RFX3: variants seen among roughly 807,000 people sequenced by gnomAD.
RFX3 encodes the protein regulatory factor X3.
A neutral mutation model predicts 98.6 loss-of-function variants in RFX3; 14 were observed. The observed-to-expected ratio is 0.14, with a 90% confidence interval of 0.09 to 0.22. The LOEUF (loss-of-function observed/expected upper bound fraction) is 0.22. Among genes scored for constraint, RFX3 ranks in the 10% least tolerant of loss-of-function variants. The probability of loss-of-function intolerance (pLI) is 1.00; values close to 1 mark genes in which losing one functional copy is unlikely to be tolerated. For missense variants in RFX3, 639 were observed against 926.9 expected, an observed-to-expected ratio of 0.69 and a Z score of 4.03; for synonymous variants, 383 against 328.4, an observed-to-expected ratio of 1.17 and a Z score of -1.80.
At chr9:3,341,734 T>G (rs1450291669) in intron 3 of RFX3, among the ~76,000 whole-genome samples, 1 of 152,218 alleles carries the variant, frequency 6.6e-6, no homozygotes, top group Admixed American at 6.5e-5. Context: ...AGGGCAGTCC[T>G]CTCTCCAAAA....
chr9:3,268,756 A>G (rs1026773881), intron 11 of RFX3, among the ~76,000 whole-genome samples: 2 of 152,020 alleles, frequency 1.3e-5, no homozygotes, highest in African/African-American at 4.8e-5. Context: ...ACAAGATTTA[A>G]AACAGAGAAC....
chr9:3,477,354 T>C (rs1372834754), intron 1 of RFX3, among the ~76,000 whole-genome samples: 1 of 152,214 alleles, frequency 6.6e-6, no homozygotes, highest in Non-Finnish European at 1.5e-5. Context: ...CCTGAAAGAC[T>C]CCCTTTAACA....
intron 4 of RFX3, chr9:3,324,209 T>G (rs1372757563): frequency 9.5e-6 from 2 of 211,038 alleles, no homozygotes; most frequent in Non-Finnish European, 2.3e-5. Context: ...AGGCTAACTG[T>G]AAAACTTAGT....
chr9:3,260,064 A>C (rs1044809863), intron 13 of RFX3, among the ~76,000 whole-genome samples: 2 of 152,040 alleles, frequency 1.3e-5, no homozygotes, highest in African/African-American at 4.8e-5. Context: ...AAAGGAAAGA[A>C]ATAAGGGTGT....
intron 1 of RFX3, among the ~76,000 whole-genome samples, chr9:3,424,580 T>C (rs1843822021): frequency 6.6e-6 from 1 of 151,734 alleles, no homozygotes; most frequent in Non-Finnish European, 1.5e-5. Flanking sequence ...CGGGATGGTC[T>C]CGATCTCCTG....
intron 1 of RFX3, among the ~76,000 whole-genome samples, chr9:3,506,359 A>G (rs1189870774): frequency 6.6e-6 from 1 of 151,816 alleles, no homozygotes; most frequent in African/African-American, 2.4e-5. Flanking sequence ...TTCTGATACT[A>G]CTGGTTGCCT....
chr9:3,462,744 C>G (rs1270367846), intron 1 of RFX3, among the ~76,000 whole-genome samples: 1 of 152,008 alleles, frequency 6.6e-6, no homozygotes, highest in Non-Finnish European at 1.5e-5. Flanking sequence ...TACTTCAATA[C>G]TAGTCATATT....
At chr9:3,408,632 ACACG>A (rs1190236627) in intron 1 of RFX3, among the ~76,000 whole-genome samples, 3 of 151,760 alleles carry the variant, frequency 2.0e-5, no homozygotes, top group Non-Finnish European at 2.9e-5. Flanking sequence ...ACACACACAC[ACACG>A]CACGCACACA....
At chr9:3,484,092 T>C (rs1587828889) in intron 1 of RFX3, among the ~76,000 whole-genome samples, 1 of 152,224 alleles carries the variant, frequency 6.6e-6, no homozygotes, top group Non-Finnish European at 1.5e-5. Context: ...ATGTTGCAGA[T>C]GTAGGATATA....
rs1418003869 is a variant in RFX3 at position 3,524,777 on chromosome 9, A to G, written c.-9+970T>C. The G allele has an allele frequency of 1.7e-5, 3 of 181,056 alleles. No homozygotes were observed. In the East Asian group the frequency reaches 5.7e-4, roughly 35 times the overall value. The allele number at this position is 181,056 out of a possible 1,614,324, so 11.2% of individuals were successfully genotyped here. A position where few individuals can be genotyped will look rare whatever the true frequency, so the allele number is the denominator to read the frequency against. On this transcript the variant is annotated intron_variant, in intron 1 of 16. Coordinates refer to ENST00000617270, the MANE Select transcript of RFX3 (RefSeq NM_001282116.2). ...ACATGAAGGATAAAGCACTGTCAAT[A>G]ACTACTAACCCAAGTATCACAGATG...
intron 1 of RFX3, among the ~76,000 whole-genome samples, chr9:3,431,610 T>C (rs770995154): frequency 7.9e-5 from 12 of 152,144 alleles, no homozygotes; most frequent in Non-Finnish European, 1.2e-4. Flanking sequence ...AGCATACCTA[T>C]AGATTCTAAT....
In RFX3 at chr9:3,524,454, C is replaced by T. The variant is rs573356692; in HGVS notation, c.-9+1293G>A. ...AAGTACACACATGCCTAGATCTTAA[C>T]CAGAAAGAAAGTGAAATATACACAC... On this transcript the variant is annotated intron_variant, in intron 1 of 16. Coordinates refer to ENST00000617270, the MANE Select transcript of RFX3 (RefSeq NM_001282116.2). 4 of 920,936 alleles carry T rather than the reference C, an allele frequency of 4.3e-6. No individual in the cohort carries two copies. In the East Asian group the frequency reaches 3.5e-4, roughly 81 times the overall value. The allele number at this position is 920,936 out of a possible 1,614,324, so 57.0% of individuals were successfully genotyped here.
intron 15 of RFX3, among the ~76,000 whole-genome samples, chr9:3,239,328 T>C (rs75865576): frequency 0.018 from 2,734 of 152,350 alleles, 85 homozygotes; most frequent in African/African-American, 0.062. Context: ...ATGTGTACTT[T>C]TCTATGTATC....
intron 2 of RFX3, among the ~76,000 whole-genome samples, chr9:3,372,164 A>T (rs1277935771): frequency 1.3e-5 from 2 of 152,132 alleles, no homozygotes; most frequent in Non-Finnish European, 2.9e-5. Context: ...CTACCATCAC[A>T]TTAGCTAGCA....
At chr9:3,356,566 G>T (rs2131320661) in intron 2 of RFX3, among the ~76,000 whole-genome samples, 1 of 151,844 alleles carries the variant, frequency 6.6e-6, no homozygotes, top group Admixed American at 6.6e-5. Flanking sequence ...GAAAAAAATT[G>T]CCAATCTAAC....
chr9:3,504,892 AAC>A (rs1285599598), intron 1 of RFX3, among the ~76,000 whole-genome samples: 3 of 60,698 alleles, frequency 4.9e-5, no homozygotes, highest in African/African-American at 3.2e-4. Flanking sequence ...TATATAATAT[AAC>A]ATATATTATA....
rs146781449 is a variant in RFX3 at position 3,310,011 on chromosome 9, C to T, written c.475-8391G>A. ...TGGTACAAAAGAGGCTTTGTGTGAC[C>T]GTCTTTTAGAGGGTGTGATCCTGAA... is the stretch of plus-strand genomic sequence containing the variant. On this transcript the variant is annotated intron_variant, in intron 4 of 16. Coordinates refer to ENST00000617270, the MANE Select transcript of RFX3 (RefSeq NM_001282116.2). 6.2e-3 allele frequency among the ~76,000 whole-genome samples: 937 copies of T among 152,210 alleles called. 2 individuals carry two copies. The highest frequency in any genetic ancestry group is 9.9e-3 in the Non-Finnish European group (671 of 68,002).
chr9:3,365,839 T>G (rs952421029), intron 2 of RFX3, among the ~76,000 whole-genome samples: 1 of 152,022 alleles, frequency 6.6e-6, no homozygotes, highest in Non-Finnish European at 1.5e-5. Flanking sequence ...TGTTTAACTG[T>G]GTCTACACTA....
intron 1 of RFX3, among the ~76,000 whole-genome samples, chr9:3,444,641 C>T (rs1014194380): frequency 2.6e-5 from 4 of 152,100 alleles, no homozygotes; most frequent in Non-Finnish European, 5.9e-5. Context: ...ACTGGGAATA[C>T]ACTAAACCTA....
Sources: allele counts gnomAD v4.1 joint callset (sites outside exome capture counted in the v4.1 genomes callset), GRCh38; gene constraint gnomAD v4.1.1; transcripts MANE v1.5; gene names NCBI Gene and HGNC (gene_info 2026-07-23, HGNC 2026-07-21).